SCN7A: variants seen among roughly 807,000 people sequenced by gnomAD.
SCN7A encodes the protein sodium voltage-gated channel alpha subunit 7.
A neutral mutation model predicts 155.2 loss-of-function variants in SCN7A; 138 were observed. The observed-to-expected ratio is 0.89, with a 90% CI of 0.77 to 1.02. The LOEUF is 1.02. Among genes scored for constraint, SCN7A ranks in the 50% least tolerant of loss-of-function variants. The pLI, the probability that SCN7A is intolerant of heterozygous loss-of-function variation, is 0.00. For missense variants in SCN7A, 2,058 were observed against 1,986.6 expected (o/e 1.04, Z -0.68); for synonymous variants, 693 against 649.0 (o/e 1.07, Z -1.03).
chr2:166,422,162 A>C (rs1701524746), intron 19 of SCN7A, among the ~76,000 whole-genome samples: 1 of 152,138 alleles, frequency 6.6e-6, no homozygotes, highest in South Asian at 2.1e-4. Context: ...ATTTTAAATC[A>C]TTAATTGTAG....
At chr2:166,417,047 C>A in intron 20 of SCN7A, 62 bp from the exon 21 acceptor site, 3 of 1,312,452 alleles carry the variant, frequency 2.3e-6, no homozygotes, top group South Asian at 3.1e-5. Context: ...AGTTTTTGAT[C>A]AGTTTGAAAA....
intron 11 of SCN7A, among the ~76,000 whole-genome samples, chr2:166,455,516 T>C (rs1008348824): frequency 6.6e-6 from 1 of 151,866 alleles, no homozygotes; most frequent in Non-Finnish European, 1.5e-5. Context: ...GACCTAATAA[T>C]GGGAACAACA....
chr2:166,411,722 G>A (rs1201955714), intron 23 of SCN7A, among the ~76,000 whole-genome samples: 2 of 151,984 alleles, frequency 1.3e-5, no homozygotes, highest in African/African-American at 4.8e-5. Flanking sequence ...TCTGATTTAC[G>A]GTAATCAGGT....
rs548164555 is a variant in SCN7A at position 166,410,165 on chromosome 2, G to T, written c.3711+55C>A. The T allele has an allele frequency of 5.5e-5, 72 of 1,302,798 alleles. No homozygotes were observed. In the African/African-American group the frequency reaches 9.7e-4, roughly 17 times the overall value. 80.7% of individuals were successfully genotyped at this position (1,302,798 alleles called of 1,614,324 possible). A position where few individuals can be genotyped will look rare whatever the true frequency, so the allele number is the denominator to read the frequency against. ...AAACATTTGTTAAGGCTTTAAAAGA[G>T]AATATATAAAGAACACCTCCATTGA... On this transcript the variant is annotated intron_variant, in intron 24 of 25. Transcript: ENST00000643258.
At chr2:166,462,158 C>T (rs1395913704) in intron 10 of SCN7A, 1 of 361,328 alleles carries the variant, frequency 2.8e-6, no homozygotes. Flanking sequence ...TCTCTTCTCT[C>T]TCTCTCTCTC....
Position 166,405,568 on chromosome 2 carries a change from T to A in SCN7A, c.*12A>T, listed in dbSNP as rs745736719. On this transcript the variant is annotated 3_prime_UTR_variant, in exon 26 of 26. Coordinates refer to ENST00000643258, the MANE Select transcript of SCN7A (RefSeq NM_002976.4). ...ATATGTGAAGAAATATGAAAAGAGG[T>A]GGTAAGTGGTATTAGATCTGGCTTT... 2.4e-5 allele frequency: 36 copies of A among 1,504,130 alleles called. No individual in the cohort carries two copies. Among genetic ancestry groups the A allele is most frequent in the Middle Eastern group, 3.8e-4 (2 of 5,216 alleles). 93.2% of individuals were successfully genotyped at this position (1,504,130 alleles called of 1,614,324 possible). A position where few individuals can be genotyped will look rare whatever the true frequency, so the allele number is the denominator to read the frequency against.
chr2:166,482,121 T>C (rs1294247885), intron 2 of SCN7A, among the ~76,000 whole-genome samples: 1 of 152,156 alleles, frequency 6.6e-6, no homozygotes, highest in Non-Finnish European at 1.5e-5. Context: ...TTGCACAATT[T>C]CACATGATAT....
chr2:166,448,279 G>A (rs1044986076), intron 11 of SCN7A, among the ~76,000 whole-genome samples: 3 of 152,134 alleles, frequency 2.0e-5, no homozygotes, highest in Admixed American at 6.6e-5. Context: ...TGCTGCAAAT[G>A]ACAAGACTTT....
intron 2 of SCN7A, among the ~76,000 whole-genome samples, chr2:166,481,716 A>C (rs1455583256): frequency 6.6e-6 from 1 of 152,166 alleles, no homozygotes; most frequent in Non-Finnish European, 1.5e-5. Context: ...ATGGAACCAG[A>C]AGGTTGATTA....
chr2:166,444,702 G>T (rs1195507544), intron 13 of SCN7A, 60 bp downstream of exon 13: 2 of 951,654 alleles, frequency 2.1e-6, no homozygotes, highest in African/African-American at 3.3e-5. Context: ...GATGAACAAA[G>T]AAAAGTTCAA....
chr2:166,448,788 A>ATT (rs1341956609), intron 11 of SCN7A, among the ~76,000 whole-genome samples: 13 of 152,226 alleles, frequency 8.5e-5, no homozygotes, highest in African/African-American at 3.1e-4. Flanking sequence ...CAAATCAGGA[A>ATT]ACATAGTACT....
chr2:166,431,482 C>T (rs1291958643), intron 16 of SCN7A, among the ~76,000 whole-genome samples: 4 of 151,978 alleles, frequency 2.6e-5, no homozygotes, highest in Non-Finnish European at 5.9e-5. Context: ...CTCCAGTGCC[C>T]CTGAGTGATC....
chr2:166,410,267 T>A lies in SCN7A; in HGVS notation c.3664A>T (p.Lys1222Ter), dbSNP rs1475916208. 2 of 1,557,036 alleles carry A rather than the reference T, an allele frequency of 1.3e-6. No individual in the cohort carries two copies. The highest frequency in any genetic ancestry group is 4.8e-5 in the East Asian group (2 of 41,920). Reference sequence around the variant, plus strand: ...TGAGAATCCTCATACATTAGCTTCTTCAGCCTGCGGTACTGTTTTCTCTGT... The same window carrying A: ...TGAGAATCCTCATACATTAGCTTCTACAGCCTGCGGTACTGTTTTCTCTGT... The part of the protein sequence containing the change: ...VKQRKQYRRL[K>*]KLMYEDSQRP... The change falls in exon 24 of 26, where the codon AAG becomes TAG. Residue 1222 changes from lysine (K) to a stop codon, truncating the protein, a stop_gained. Transcript: ENST00000643258. LOFTEE classifies it high-confidence loss of function.
At chr2:166,432,795 T>G in intron 15 of SCN7A, 43 bp from the exon 16 acceptor site, 1 of 1,396,008 alleles carries the variant, frequency 7.2e-7, no homozygotes, top group Non-Finnish European at 9.5e-7. Context: ...TCTCATTTTG[T>G]TTCATTTTAA....
chr2:166,410,075 T>C (rs1372802344), intron 24 of SCN7A, 140 bp from the exon 25 acceptor site: 17 of 1,122,344 alleles, frequency 1.5e-5, no homozygotes, highest in African/African-American at 3.2e-5. Context: ...CTATAACATA[T>C]AGTCAAAACA....
intron 20 of SCN7A, among the ~76,000 whole-genome samples, chr2:166,420,719 G>A (rs1424030997): frequency 2.0e-5 from 3 of 151,990 alleles, no homozygotes; most frequent in African/African-American, 7.2e-5. Context: ...GGAGAGGTAA[G>A]AAATCATCAC....
chr2:166,463,331 G>A (rs548396527), intron 9 of SCN7A, among the ~76,000 whole-genome samples: 3 of 152,258 alleles, frequency 2.0e-5, no homozygotes, highest in Non-Finnish European at 2.9e-5. Context: ...ACGCCCTTGT[G>A]TAGTTTTCTC....
chr2:166,408,669 G>A (rs1166542461), intron 25 of SCN7A, among the ~76,000 whole-genome samples: 1 of 151,546 alleles, frequency 6.6e-6, no homozygotes, highest in African/African-American at 2.4e-5. Context: ...TTTTTCAGTA[G>A]TTAGTTGCAT....
chr2:166,429,463 A>C (rs970557145), intron 16 of SCN7A, among the ~76,000 whole-genome samples, 189 bp from the exon 17 acceptor site: 1 of 152,054 alleles, frequency 6.6e-6, no homozygotes, highest in Non-Finnish European at 1.5e-5. Context: ...TTGAAGTTTA[A>C]AAAAATATTG....
Sources: allele counts gnomAD v4.1 joint callset (sites outside exome capture counted in the v4.1 genomes callset), GRCh38; gene constraint gnomAD v4.1.1; transcripts MANE v1.5; gene names NCBI Gene and HGNC (gene_info 2026-07-23, HGNC 2026-07-21).